SAAL1: variants seen among roughly 807,000 people sequenced by gnomAD.
SAAL1 encodes serum amyloid A like 1.
SAAL1 carries 42 observed loss-of-function variants against 59.8 expected under a neutral mutation model. That is an observed-to-expected ratio of 0.70 (90% CI 0.55 to 0.91). The LOEUF (loss-of-function observed/expected upper bound fraction) is 0.91. SAAL1 is among the 40% of genes least tolerant of loss of function. The pLI is 0.00. For synonymous variants in SAAL1, 191 were observed against 194.3 expected (o/e 0.98, Z 0.14); for missense variants, 542 against 561.1 (o/e 0.97, Z 0.34).
intron 10 of SAAL1, among the ~76,000 whole-genome samples, chr11:18,082,684 T>C (rs995431587): frequency 1.3e-5 from 2 of 152,228 alleles, no homozygotes; most frequent in East Asian, 3.9e-4. Context: ...CAGGTTGGAG[T>C]GTAGTGGCAC....
At chr11:18,086,209 C>T (rs1301850563) in intron 9 of SAAL1, among the ~76,000 whole-genome samples, 1 of 151,742 alleles carries the variant, frequency 6.6e-6, no homozygotes, top group Admixed American at 6.6e-5. Context: ...TTGTGACAAG[C>T]CTGGGCAAGA....
At chr11:18,088,184 G>A (rs1023398447) in intron 7 of SAAL1, among the ~76,000 whole-genome samples, 1 of 152,132 alleles carries the variant, frequency 6.6e-6, no homozygotes. Context: ...TAAGGATAGC[G>A]CTACTGGGTC....
At chr11:18,085,147 G>C (rs930401902) in intron 9 of SAAL1, among the ~76,000 whole-genome samples, 1 of 152,106 alleles carries the variant, frequency 6.6e-6, no homozygotes, top group African/African-American at 2.4e-5. Flanking sequence ...AGAAGGTAAG[G>C]ATGTTTTCTA....
intron 2 of SAAL1, among the ~76,000 whole-genome samples, chr11:18,101,807 T>C (rs1848636644): frequency 7.3e-6 from 1 of 136,648 alleles, no homozygotes; most frequent in Non-Finnish European, 1.5e-5. Context: ...TATAATGGAA[T>C]ACCATTCAGC....
intron 3 of SAAL1, among the ~76,000 whole-genome samples, chr11:18,095,855 G>A (rs530701634): frequency 6.2e-4 from 94 of 152,302 alleles, no homozygotes; most frequent in African/African-American, 2.2e-3. Context: ...GGAAGGTGTG[G>A]AAGGAAAAGT....
At chr11:18,094,525 C>T (rs1848553038) in intron 3 of SAAL1, among the ~76,000 whole-genome samples, 1 of 152,040 alleles carries the variant, frequency 6.6e-6, no homozygotes, top group Non-Finnish European at 1.5e-5. Context: ...GAAGGGAAGT[C>T]GAGGCTTTGC....
At chr11:18,100,536 C>T (rs955007475) in intron 2 of SAAL1, among the ~76,000 whole-genome samples, 2 of 152,178 alleles carry the variant, frequency 1.3e-5, no homozygotes, top group African/African-American at 2.4e-5. Context: ...TCAAGACCAG[C>T]CTGGCCAACA....
rs188024258 is a variant in SAAL1 at position 18,083,666 on chromosome 11, G to T, written c.1108C>A (p.Pro370Thr). ...GTGTTAGACTCTGCCGAGTTCTCTG[G>T]TTTTTTCTGACACTGTTCCATATTT... The part of the protein sequence containing the change: ...LQNMEQCQKK[P>T]ENSAESNTEE... The change falls in exon 10 of 12, where the codon CCA becomes ACA. Residue 370 changes from proline (P) to threonine (T), a missense_variant. Coordinates refer to ENST00000524803, the MANE Select transcript of SAAL1 (RefSeq NM_138421.3). 4.4e-4 allele frequency: 715 copies of T among 1,612,018 alleles called. 2 individuals carry two copies. In the East Asian group the frequency reaches 0.013, roughly 30 times the overall value.
intron 6 of SAAL1, 139 bp from the exon 7 acceptor site, chr11:18,089,649 T>C (rs931229213): frequency 1.5e-6 from 1 of 666,244 alleles, no homozygotes; most frequent in Non-Finnish European, 2.4e-6. Context: ...TTACTTATCT[T>C]TTATGTTTAA....
At chr11:18,085,579 A>AT (rs1221236543) in intron 9 of SAAL1, among the ~76,000 whole-genome samples, 1 of 152,198 alleles carries the variant, frequency 6.6e-6, no homozygotes, top group Admixed American at 6.5e-5. Context: ...AATGTCAGAA[A>AT]TTTTTTGTTT....
rs1278013629 is a variant in SAAL1, at chr11:18,104,770, C to CA, written c.135+1136dup. ...TCAGAGTTGATGGAACACAGTGTAT[C>CA]ATGAGAAGATGAGGCTGGAAAATGT... On this transcript the variant is annotated intron_variant, in intron 1 of 11. Transcript: ENST00000524803. Among the ~76,000 whole-genome samples the CA allele has an allele frequency of 2.6e-5, 4 of 152,172 alleles. No homozygotes were observed. In the East Asian group the frequency reaches 7.7e-4, roughly 29 times the overall value.
intron 3 of SAAL1, among the ~76,000 whole-genome samples, chr11:18,094,196 G>C (rs1475909785): frequency 1.3e-5 from 2 of 152,114 alleles, no homozygotes; most frequent in East Asian, 3.9e-4. Flanking sequence ...AATCACTGAG[G>C]ACATACAGAA....
intron 7 of SAAL1, 43 bp from the exon 8 acceptor site, chr11:18,087,268 T>G: frequency 8.5e-7 from 1 of 1,175,930 alleles, no homozygotes; most frequent in Non-Finnish European, 1.3e-6. Context: ...AACTTTACTG[T>G]CCAGGGGATT....
intron 1 of SAAL1, among the ~76,000 whole-genome samples, chr11:18,104,757 GAACACAGT>G (rs1848670477): frequency 6.6e-6 from 1 of 152,158 alleles, no homozygotes; most frequent in East Asian, 1.9e-4. Context: ...AGAGTTGATG[GAACACAGT>G]GTATCATGAG....
intron 9 of SAAL1, among the ~76,000 whole-genome samples, chr11:18,084,433 G>A (rs1201101438): frequency 1.3e-5 from 2 of 152,162 alleles, no homozygotes; most frequent in Admixed American, 6.5e-5. Flanking sequence ...GGCAACATCA[G>A]GCCCTCCATA....
Position 18,083,648 on chromosome 11 carries a change from ACT to A in SAAL1, c.1124_1125del (p.Glu375ValfsTer2), listed in dbSNP as rs1227506502. The A allele has an allele frequency of 6.2e-7, 1 of 1,611,186 alleles. No homozygotes were observed. Among genetic ancestry groups the A allele is most frequent in the Non-Finnish European group, 8.5e-7 (1 of 1,177,914 alleles). ...QCQKKPENSA[E>X]SNTEETKRTD... ...GTCCTTTTAGTTTCCTCTGTGTTAG[ACT>A]CTGCCGAGTTCTCTGGTTTTTTCTG... On this transcript the variant is annotated frameshift_variant, in exon 10 of 12. Coordinates refer to ENST00000524803, the MANE Select transcript of SAAL1 (RefSeq NM_138421.3). LOFTEE classifies it high-confidence loss of function.
Position 18,103,308 on chromosome 11 carries a change from A to C in SAAL1, c.174T>G (p.Asp58Glu). ...CATCAAGCTCCGTCAGCTGCTCCTC[A>C]TCATCTGAGCTAGATTTGGTGTTTT... is the stretch of plus-strand genomic sequence containing the variant. ...SPENTKSSSD[D>E]EEQLTELDEE... Residue 58 changes from aspartate (D) to glutamate (E), a missense_variant, in exon 2 of 12, where the codon GAT (aspartate) becomes GAG (glutamate). Physicochemically the swap from Asp to Glu is conservative, Grantham distance 45 (BLOSUM62 2). Coordinates refer to ENST00000524803, the MANE Select transcript of SAAL1 (RefSeq NM_138421.3). The C allele has an allele frequency of 6.2e-7, 1 of 1,613,932 alleles. No individual in the cohort carries two copies.
intron 10 of SAAL1, among the ~76,000 whole-genome samples, chr11:18,082,238 CATT>C (rs1459188845): frequency 3.9e-5 from 6 of 152,046 alleles, no homozygotes; most frequent in African/African-American, 1.4e-4. Context: ...GGAAAAGATA[CATT>C]ATTACCCAAG....
At chr11:18,096,968 G>C in intron 2 of SAAL1, 114 bp from the exon 3 acceptor site, 1 of 647,134 alleles carries the variant, frequency 1.5e-6, no homozygotes, top group Non-Finnish European at 2.7e-6. Context: ...AGGCGCAGTG[G>C]CTGACACCTG....
Sources: gnomAD v4.1 joint callset for allele counts (sites outside exome capture counted in the v4.1 genomes callset) on GRCh38, gnomAD v4.1.1 for gene constraint, MANE v1.5 for transcripts, NCBI Gene and HGNC (gene_info 2026-07-23, HGNC 2026-07-21) for gene names.